Variants in ST8SIA1 observed in about 807,000 individuals in gnomAD.
The protein encoded by ST8SIA1 is ST8 alpha-N-acetyl-neuraminide alpha-2,8-sialyltransferase 1, also known as alpha-N-acetylneuraminide alpha-2,8-sialyltransferase.
Under a neutral mutation model 35.9 loss-of-function variants are expected in ST8SIA1, and 16 were observed. The ratio of observed to expected loss-of-function variants is 0.45; its 90% CI spans 0.30 to 0.68. The LOEUF (loss-of-function observed/expected upper bound fraction) is 0.68. Among genes scored for constraint, ST8SIA1 ranks in the 30% least tolerant of loss-of-function variants. The pLI, the probability that ST8SIA1 is intolerant of heterozygous loss-of-function variation, is 0.09. For missense variants in ST8SIA1, 383 were observed against 453.6 expected (o/e 0.84, Z 1.41); for synonymous variants, 170 against 169.6 (o/e 1.00, Z -0.02).
At chr12:22,285,524 G>A (rs1169956276) in intron 2 of ST8SIA1, among the ~76,000 whole-genome samples, 3 of 152,180 alleles carry the variant, frequency 2.0e-5, no homozygotes, top group Non-Finnish European at 2.9e-5. Context: ...TACTAAGTAT[G>A]AATCAGCACA....
In ST8SIA1 at chr12:22,197,973, T is replaced by C. The variant is rs983844043; in HGVS notation, c.*3579A>G. 3 of 152,198 alleles carry C rather than the reference T, an allele frequency of 2.0e-5. No individual in the cohort carries two copies. Among genetic ancestry groups the C allele is most frequent in the Admixed American group, 1.3e-4 (2 of 15,282 alleles). 9.4% of individuals were successfully genotyped at this position (152,198 alleles called of 1,614,324 possible). A position where few individuals can be genotyped will look rare whatever the true frequency, so the allele number is the denominator to read the frequency against. ...GGCAAAATCCTCTATACAAAGCATA[T>C]GTGTCTGTGAGTCATTGTCCATATA... On this transcript the variant is annotated 3_prime_UTR_variant, in exon 5 of 5. Coordinates refer to ENST00000396037, the MANE Select transcript of ST8SIA1 (RefSeq NM_003034.4).
At chr12:22,246,343 T>G (rs1865601615) in intron 4 of ST8SIA1, among the ~76,000 whole-genome samples, 1 of 152,206 alleles carries the variant, frequency 6.6e-6, no homozygotes, top group Middle Eastern at 3.2e-3. Context: ...CTATGTTGAT[T>G]ATTCTGGGAA....
chr12:22,196,967 G>C lies in ST8SIA1; in HGVS notation c.*4585C>G, dbSNP rs1048732439. On this transcript the variant is annotated 3_prime_UTR_variant, in exon 5 of 5. Coordinates refer to ENST00000396037, the MANE Select transcript of ST8SIA1 (RefSeq NM_003034.4). ...AAAAAGCCAAGGTTAAGGGTAGAGA[G>C]CACTCTGCCCTTTTACATCCTGAGA... The C allele has an allele frequency of 2.0e-5, 3 of 152,238 alleles. No homozygotes were observed. The highest frequency in any genetic ancestry group is 6.5e-5 in the Admixed American group (1 of 15,276). 9.4% of individuals were successfully genotyped at this position (152,238 alleles called of 1,614,324 possible).
At chr12:22,289,836 G>A (rs1243328346) in intron 1 of ST8SIA1, among the ~76,000 whole-genome samples, 1 of 152,094 alleles carries the variant, frequency 6.6e-6, no homozygotes, top group African/African-American at 2.4e-5. Flanking sequence ...TTTCATATTT[G>A]TTTCCTCTTT....
At chr12:22,309,045 G>A (rs1179811102) in intron 1 of ST8SIA1, among the ~76,000 whole-genome samples, 1 of 152,100 alleles carries the variant, frequency 6.6e-6, no homozygotes, top group East Asian at 1.9e-4. Context: ...AAAGAGAACA[G>A]ACCTACGATG....
At chr12:22,282,788 G>C (rs1350547408) in intron 2 of ST8SIA1, among the ~76,000 whole-genome samples, 1 of 152,102 alleles carries the variant, frequency 6.6e-6, no homozygotes, top group Non-Finnish European at 1.5e-5. Context: ...ATCCCCACCA[G>C]ACATTAGACC....
rs1865052892 is a variant in ST8SIA1 at position 22,201,933 on chromosome 12, C to T, written c.690G>A (p.Glu230=). Residue 230 remains glutamate, a synonymous_variant, in exon 5 of 5, where the codon GAG becomes GAA. Coordinates refer to ENST00000396037, the MANE Select transcript of ST8SIA1 (RefSeq NM_003034.4). ...GTGTATAATAAACCCTCAAAGATGG[C>T]TCTGTTCCTGTCTTCATAGAAAAGG... is the stretch of plus-strand genomic sequence containing the variant. ...MPAFSMKTGT[E]PSLRVYYTLS... is the part of the protein sequence containing the mutation. 3.1e-6 allele frequency: 5 copies of T among 1,613,956 alleles called. No individual in the cohort carries two copies. The highest frequency in any genetic ancestry group is 3.4e-6 in the Non-Finnish European group (4 of 1,179,958).
chr12:22,223,942 G>C (rs1366660424), intron 4 of ST8SIA1, among the ~76,000 whole-genome samples: 1 of 152,048 alleles, frequency 6.6e-6, no homozygotes, highest in African/African-American at 2.4e-5. Flanking sequence ...ATTACTTTCT[G>C]ACTTTTTTAG....
Position 22,280,752 on chromosome 12 carries a change from T to C in ST8SIA1, c.381+6397A>G, listed in dbSNP as rs114459400. Among the ~76,000 whole-genome samples the C allele has an allele frequency of 7.6e-3, 1,152 of 152,322 alleles. 11 individuals are homozygous for C. Among genetic ancestry groups the C allele is most frequent in the African/African-American group, 0.026 (1,100 of 41,576 alleles). On this transcript the variant is annotated intron_variant, in intron 2 of 4. Coordinates refer to ENST00000396037, the MANE Select transcript of ST8SIA1 (RefSeq NM_003034.4). ...ATTGCACTACCTCACTTCTAATCGATTGTTTTCCTTTCCCTATGAAGATAA... is the reference window on the plus strand; with the variant it reads ...ATTGCACTACCTCACTTCTAATCGACTGTTTTCCTTTCCCTATGAAGATAA...
intron 1 of ST8SIA1, among the ~76,000 whole-genome samples, chr12:22,310,517 C>T (rs898530148): frequency 3.3e-5 from 5 of 152,148 alleles, no homozygotes; most frequent in African/African-American, 1.2e-4. Context: ...TGCCTAGAGA[C>T]CATATGTCCC....
chr12:22,288,077 G>A (rs1372237038), intron 1 of ST8SIA1, among the ~76,000 whole-genome samples: 2 of 152,152 alleles, frequency 1.3e-5, no homozygotes, highest in African/African-American at 4.8e-5. Context: ...TCCCCAGCTA[G>A]CCCCTCAAGT....
chr12:22,270,973 T>C (rs1322360744), intron 2 of ST8SIA1, among the ~76,000 whole-genome samples: 1 of 152,236 alleles, frequency 6.6e-6, no homozygotes, highest in Non-Finnish European at 1.5e-5. Context: ...TTTTCCTATG[T>C]ATTTGGCCAT....
At chr12:22,325,749 G>C in intron 1 of ST8SIA1, 2 of 643,992 alleles carry the variant, frequency 3.1e-6, no homozygotes, top group South Asian at 3.7e-5. Context: ...CACAGTAAGA[G>C]ATGAACAATA....
At chr12:22,211,850 T>C (rs550720720) in intron 4 of ST8SIA1, among the ~76,000 whole-genome samples, 1 of 152,270 alleles carries the variant, frequency 6.6e-6, no homozygotes, top group Non-Finnish European at 1.5e-5. Flanking sequence ...TAGCTGGGAC[T>C]TCAGGTGCCT....
chr12:22,260,415 G>A (rs9739131), intron 2 of ST8SIA1, among the ~76,000 whole-genome samples: 2 of 152,014 alleles, frequency 1.3e-5, no homozygotes, highest in African/African-American at 2.4e-5. Flanking sequence ...TCGCCTCAGC[G>A]TCTTAAAGTG....
Position 22,196,209 on chromosome 12 carries a change from A to C in ST8SIA1, c.*5343T>G, listed in dbSNP as rs1864986121. The C allele has an allele frequency of 6.6e-6, 1 of 152,206 alleles. No individual in the cohort carries two copies. Among genetic ancestry groups the C allele is most frequent in the African/African-American group, 2.4e-5 (1 of 41,460 alleles). The allele number at this position is 152,206 out of a possible 1,614,324, so 9.4% of individuals were successfully genotyped here. On this transcript the variant is annotated 3_prime_UTR_variant, in exon 5 of 5. Transcript: ENST00000396037. ...GCTCGCAGGCATGTAAGTCAATTTAAAATATGGTATTTATTCCTTATGTAT... is the reference window on the plus strand; with the variant it reads ...GCTCGCAGGCATGTAAGTCAATTTACAATATGGTATTTATTCCTTATGTAT...
At chr12:22,326,127 T>C in intron 1 of ST8SIA1, 1 of 435,324 alleles carries the variant, frequency 2.3e-6, no homozygotes, top group Non-Finnish European at 4.0e-6. Context: ...ATGGGAGAAC[T>C]GCTGTTAATT....
At position 22,229,615 on chromosome 12, in the gene ST8SIA1, C is replaced by CA. The variant is rs11290260; in HGVS notation, c.584+19390dup. On this transcript the variant is annotated intron_variant, in intron 4 of 4. Coordinates refer to ENST00000396037, the MANE Select transcript of ST8SIA1 (RefSeq NM_003034.4). ...TGAGTAACAGAGCAAGACCGGGTTT[C>CA]AAAAAAAAAAAAAAAAAAAAAAGAA... Among the ~76,000 whole-genome samples the CA allele has an allele frequency of 5.7e-3, 535 of 93,672 alleles. 4 individuals are homozygous for CA. The highest frequency in any genetic ancestry group is 0.017 in the African/African-American group (416 of 24,956). 61.5% of individuals were successfully genotyped at this position (93,672 alleles called of 152,430 possible). A position where few individuals can be genotyped will look rare whatever the true frequency, so the allele number is the denominator to read the frequency against.
chr12:22,214,009 G>T (rs1451793150), intron 4 of ST8SIA1, among the ~76,000 whole-genome samples: 1 of 152,160 alleles, frequency 6.6e-6, no homozygotes, highest in Non-Finnish European at 1.5e-5. Flanking sequence ...TGCTTTCATT[G>T]TGATATGTAA....
Sources: allele counts gnomAD v4.1 joint callset (sites outside exome capture counted in the v4.1 genomes callset), GRCh38; gene constraint gnomAD v4.1.1; transcripts MANE v1.5; gene names NCBI Gene and HGNC (gene_info 2026-07-23, HGNC 2026-07-21).